The following KCNT2 variants were observed in gnomAD, a reference collection of about 807,000 sequenced individuals.
KCNT2 encodes the protein potassium channel subfamily T member 2.
A neutral mutation model predicts 153.8 loss-of-function variants in KCNT2; 67 were observed. That is an observed-to-expected ratio of 0.44 (90% confidence interval 0.36 to 0.53). The LOEUF (loss-of-function observed/expected upper bound fraction) is 0.53. Among genes scored for constraint, KCNT2 ranks in the 20% least tolerant of loss-of-function variants. The pLI, the probability that KCNT2 is intolerant of heterozygous loss-of-function variation, is 0.00. For missense variants in KCNT2, 975 were observed against 1,354.8 expected (o/e 0.72, Z 4.40); for synonymous variants, 500 against 458.8 (o/e 1.09, Z -1.15).
intron 21 of KCNT2, among the ~76,000 whole-genome samples, chr1:196,307,974 A>T (rs368411583): frequency 2.0e-5 from 3 of 152,176 alleles, no homozygotes. Context: ...TATTCACCAT[A>T]TATGGTTGTC....
Position 196,319,446 on chromosome 1 carries a change from A to G in KCNT2, c.2348+38T>C, listed in dbSNP as rs772684376. ...CACAGCACATGACAAACCACAGGAC[A>G]CTACACTAGTTAGTGTGCCAAAGAT... is the stretch of plus-strand genomic sequence containing the variant. On this transcript the variant is annotated intron_variant, in intron 20 of 27. Transcript: ENST00000294725. 27 of 1,428,744 alleles carry G rather than the reference A, an allele frequency of 1.9e-5. 1 individual carries two copies. The highest frequency in any genetic ancestry group is 2.4e-5 in the Non-Finnish European group (24 of 1,013,756). 88.5% of individuals were successfully genotyped at this position (1,428,744 alleles called of 1,614,324 possible). A position where few individuals can be genotyped will look rare whatever the true frequency, so the allele number is the denominator to read the frequency against.
At chr1:196,319,621 G>T in intron 19 of KCNT2, 66 bp from the exon 20 acceptor site, 1 of 1,020,168 alleles carries the variant, frequency 9.8e-7, no homozygotes, top group Non-Finnish European at 1.5e-6. Context: ...TCTAGGGAAA[G>T]GAAGTAAGTT....
At chr1:196,238,063 C>T (rs770569637) in intron 26 of KCNT2, among the ~76,000 whole-genome samples, 1 of 151,782 alleles carries the variant, frequency 6.6e-6, no homozygotes, top group Non-Finnish European at 1.5e-5. Flanking sequence ...AAATCTACAT[C>T]TTATTTGACT....
At chr1:196,239,161 C>T (rs1347699513) in intron 26 of KCNT2, among the ~76,000 whole-genome samples, 1 of 151,740 alleles carries the variant, frequency 6.6e-6, no homozygotes, top group African/African-American at 2.4e-5. Context: ...GAATCTATTT[C>T]TTACCAAATA....
chr1:196,503,603 G>A (rs1276153306), intron 1 of KCNT2, among the ~76,000 whole-genome samples: 1 of 152,090 alleles, frequency 6.6e-6, no homozygotes, highest in Non-Finnish European at 1.5e-5. Context: ...GGATTACCAG[G>A]AATGGCACAG....
chr1:196,459,828 A>C (rs1428181950), intron 8 of KCNT2, among the ~76,000 whole-genome samples: 1 of 151,626 alleles, frequency 6.6e-6, no homozygotes, highest in Admixed American at 6.6e-5. Flanking sequence ...CTCTAATCAA[A>C]CTCTGTCAAG....
chr1:196,518,386 G>A (rs1337779197), intron 1 of KCNT2, among the ~76,000 whole-genome samples: 3 of 151,182 alleles, frequency 2.0e-5, no homozygotes, highest in African/African-American at 4.9e-5. Context: ...AAAAACACAT[G>A]AGAGGATCAA....
chr1:196,343,905 G>C (rs1465136089), intron 14 of KCNT2, among the ~76,000 whole-genome samples: 1 of 152,042 alleles, frequency 6.6e-6, no homozygotes, highest in Non-Finnish European at 1.5e-5. Flanking sequence ...TAACCTTCCC[G>C]AGTAGCTGGG....
At chr1:196,605,250 G>A (rs1665186694) in intron 1 of KCNT2, among the ~76,000 whole-genome samples, 1 of 152,146 alleles carries the variant, frequency 6.6e-6, no homozygotes, top group African/African-American at 2.4e-5. Context: ...TAGGATTGCA[G>A]CAAAAGCAGT....
At chr1:196,508,189 C>CAAAAAAAAAAAAAAAAAAAAAAAAATAAA (rs10539910) in intron 1 of KCNT2, among the ~76,000 whole-genome samples, 1 of 59,984 alleles carries the variant, frequency 1.7e-5, no homozygotes, top group African/African-American at 6.9e-5. Flanking sequence ...CCCTAAGTAG[C>CAAAAAAAAAAAAAAAAAAAAAAAAATAAA]AAAAAAAAAA....
rs1469590426 is a variant in KCNT2 at position 196,596,054 on chromosome 1, GTGTATATA to G, written c.95+12153_95+12160del. 4.3e-4 allele frequency among the ~76,000 whole-genome samples: 60 copies of G among 138,550 alleles called. 3 individuals are homozygous for G. The highest frequency in any genetic ancestry group is 1.9e-3 in the African/African-American group (57 of 30,418). 90.9% of individuals were successfully genotyped at this position (138,550 alleles called of 152,430 possible). ...TTATGGCTGAGTTGTATTCCATGAT[GTGTATATA>G]TATATATATATATATATATATATAT... On this transcript the variant is annotated intron_variant, in intron 1 of 27. Coordinates refer to ENST00000294725, the MANE Select transcript of KCNT2 (RefSeq NM_198503.5).
chr1:196,338,662 T>C (rs575751604), intron 16 of KCNT2, among the ~76,000 whole-genome samples: 8 of 151,974 alleles, frequency 5.3e-5, no homozygotes, highest in South Asian at 4.2e-4. Context: ...TATTTAAAAA[T>C]TTTTACTCTG....
intron 14 of KCNT2, among the ~76,000 whole-genome samples, chr1:196,360,750 G>A (rs866092026): frequency 1.8e-4 from 27 of 152,126 alleles, no homozygotes; most frequent in African/African-American, 6.0e-4. Flanking sequence ...AGAGGACTGG[G>A]CAGAAACCAA....
chr1:196,487,436 A>G (rs61820756), intron 3 of KCNT2, among the ~76,000 whole-genome samples: 173 of 45,554 alleles, frequency 3.8e-3, no homozygotes, highest in Middle Eastern at 0.017. Context: ...GTGTGTGTGT[A>G]TGTATGTGTC....
intron 8 of KCNT2, among the ~76,000 whole-genome samples, chr1:196,441,424 ACTT>A (rs1004301663): frequency 6.1e-4 from 3 of 4,904 alleles, no homozygotes; most frequent in Non-Finnish European, 0.015. Flanking sequence ...TTTAAAATCT[ACTT>A]TTTTTTTTTT....
intron 18 of KCNT2, among the ~76,000 whole-genome samples, chr1:196,327,505 A>G (rs2148075654): frequency 6.6e-6 from 1 of 152,250 alleles, no homozygotes; most frequent in East Asian, 1.9e-4. Flanking sequence ...TGACAGAATT[A>G]GCGTTGTTAA....
At chr1:196,245,800 G>A (rs1655387689) in intron 26 of KCNT2, among the ~76,000 whole-genome samples, 1 of 152,104 alleles carries the variant, frequency 6.6e-6, no homozygotes, top group African/African-American at 2.4e-5. Flanking sequence ...ACGGTCAGAG[G>A]AGAAAAAGGA....
chr1:196,248,991 A>G (rs993778709), intron 26 of KCNT2, among the ~76,000 whole-genome samples: 6 of 152,206 alleles, frequency 3.9e-5, no homozygotes, highest in African/African-American at 1.4e-4. Flanking sequence ...CCAGGGATGC[A>G]GAGATGCTTC....
At chr1:196,527,905 T>C (rs1383699117) in intron 1 of KCNT2, among the ~76,000 whole-genome samples, 3 of 152,218 alleles carry the variant, frequency 2.0e-5, no homozygotes, top group African/African-American at 7.2e-5. Context: ...TCTGCCATTT[T>C]CCTTAATCCT....
Sources: allele counts gnomAD v4.1 joint callset (sites outside exome capture counted in the v4.1 genomes callset), GRCh38; gene constraint gnomAD v4.1.1; transcripts MANE v1.5; gene names NCBI Gene and HGNC (gene_info 2026-07-23, HGNC 2026-07-21).